The following CTNS variants were observed in gnomAD, a reference collection of about 807,000 sequenced individuals.
CTNS encodes the protein cystinosin.
CTNS carries 27 observed loss-of-function variants against 43.7 expected under a neutral mutation model. That is an observed-to-expected ratio of 0.62 (90% CI 0.46 to 0.85). The LOEUF (loss-of-function observed/expected upper bound fraction) is 0.85, where lower values mean the gene tolerates loss of function less well. Among genes scored for constraint, CTNS ranks in the 40% least tolerant of loss-of-function variants. The pLI is 0.00. For synonymous variants in CTNS, 187 were observed against 190.6 expected (o/e 0.98, Z 0.16); for missense variants, 457 against 475.4 (o/e 0.96, Z 0.36).
At chr17:3,657,340 C>T (rs1044448671) in intron 9 of CTNS, among the ~76,000 whole-genome samples, 1 of 152,218 alleles carries the variant, frequency 6.6e-6, no homozygotes, top group Non-Finnish European at 1.5e-5. Flanking sequence ...AGCTTTGTTG[C>T]TGGAAGCCAT....
chr17:3,656,961 C>A, intron 9 of CTNS, 166 bp downstream of exon 9: 10 of 1,100,106 alleles, frequency 9.1e-6, no homozygotes, highest in Non-Finnish European at 1.0e-5. Flanking sequence ...GCCCTCAGAG[C>A]CCCCCAAGTC....
At chr17:3,645,116 A>G (rs2075814569) in intron 3 of CTNS, among the ~76,000 whole-genome samples, 1 of 152,234 alleles carries the variant, frequency 6.6e-6, no homozygotes, top group South Asian at 2.1e-4. Context: ...CTGGTGGTAC[A>G]GGAAGTCCCA....
chr17:3,662,059 C>A lies in CTNS; in HGVS notation c.*1690C>A, dbSNP rs535462240. On this transcript the variant is annotated 3_prime_UTR_variant, in exon 12 of 12. Coordinates refer to ENST00000046640, the MANE Select transcript of CTNS (RefSeq NM_004937.3). ...AGTGCGGTGGCTCACGCCTGTAATCCCAGCACTTTGGGAGGCCAAGGCAGA... is the reference window on the plus strand; with the variant it reads ...AGTGCGGTGGCTCACGCCTGTAATCACAGCACTTTGGGAGGCCAAGGCAGA... Among the ~76,000 whole-genome samples, 1 of 152,238 alleles carries A rather than the reference C, an allele frequency of 6.6e-6. No individual in the cohort carries two copies. The highest frequency in any genetic ancestry group is 1.9e-4 in the East Asian group (1 of 5,182).
upstream of CTNS, chr17:3,636,746 C>CA (rs2075538203): frequency 6.5e-6 from 1 of 153,486 alleles, no homozygotes; most frequent in South Asian, 1.9e-4. Context: ...TCTAGCCGGG[C>CA]AGGGGAACGC....
chr17:3,654,958 C>A, intron 5 of CTNS, 40 bp from the exon 6 acceptor site: 1 of 1,450,892 alleles, frequency 6.9e-7, no homozygotes, highest in African/African-American at 1.4e-5. Flanking sequence ...TCCTCGGTAA[C>A]TGTACGTGGC....
In CTNS at chr17:3,658,060, T is replaced by C. The variant is rs1191757432; in HGVS notation, c.737T>C (p.Leu246Pro). Residue 246 changes from leucine to proline, a missense_variant, in exon 10 of 12, where the codon CTC (leucine) becomes CCC (proline). Physicochemically the swap from Leu to Pro is moderately conservative, Grantham distance 98 (BLOSUM62 -3). Transcript: ENST00000046640. ...PAIGFLVLAW[L>P]FAFVTMIVAA... ...ATCGGCTTCCTGGTGCTCGCGTGGC[T>C]CTTCGCATTTGTCACCATGATCGTG... 4 of 1,612,110 alleles carry C rather than the reference T, an allele frequency of 2.5e-6. No individual in the cohort carries two copies. The East Asian group carries it at 6.7e-5, about 27-fold the overall frequency.
In CTNS at chr17:3,662,721, A is replaced by G. The variant is rs2076294248; in HGVS notation, c.*2352A>G. Among the ~76,000 whole-genome samples, 2 of 145,766 alleles carry G rather than the reference A, an allele frequency of 1.4e-5. No homozygotes were observed. Among genetic ancestry groups the G allele is most frequent in the Non-Finnish European group, 1.5e-5 (1 of 66,314 alleles). On this transcript the variant is annotated 3_prime_UTR_variant, in exon 12 of 12. Transcript: ENST00000046640. ...ATGTGGTTCTGGTCAGGCGCAGTGC[A>G]GCTGCTGCGGCTCCACCAGCCCCGG...
upstream of CTNS, chr17:3,636,480 A>G (rs1031783359): frequency 2.3e-6 from 1 of 443,516 alleles, no homozygotes; most frequent in Non-Finnish European, 4.0e-6. Flanking sequence ...TTTCCGCCCA[A>G]TGGAGGGCGG....
chr17:3,637,046 C>G (rs1203874683), intron 1 of CTNS, 61 bp from the exon 2 acceptor site: 2 of 152,354 alleles, frequency 1.3e-5, no homozygotes, highest in Non-Finnish European at 1.5e-5. Flanking sequence ...GGGTGGGTGC[C>G]GTTCCCAGCC....
chr17:3,658,847 TC>T (rs1444324175), intron 10 of CTNS, among the ~76,000 whole-genome samples: 1 of 152,080 alleles, frequency 6.6e-6, no homozygotes, highest in Non-Finnish European at 1.5e-5. Context: ...GCCCGGGCGT[TC>T]CGGGCCAGGC....
chr17:3,660,069 C>A, intron 11 of CTNS, 94 bp downstream of exon 11: 1 of 1,437,596 alleles, frequency 7.0e-7, no homozygotes, highest in Non-Finnish European at 9.8e-7. Context: ...TCCACCCCCA[C>A]CTGGGATCCA....
intron 5 of CTNS, among the ~76,000 whole-genome samples, chr17:3,654,694 A>C (rs2076081068): frequency 6.7e-6 from 1 of 150,006 alleles, no homozygotes; most frequent in African/African-American, 2.5e-5. Flanking sequence ...AAAAAAAAAA[A>C]AAAGGAAAGT....
chr17:3,652,421 G>A (rs1383994065), intron 5 of CTNS, among the ~76,000 whole-genome samples: 1 of 152,030 alleles, frequency 6.6e-6, no homozygotes, highest in African/African-American at 2.4e-5. Context: ...ATGAAACCCA[G>A]TCTCTACTAA....
intron 10 of CTNS, among the ~76,000 whole-genome samples, 160 bp downstream of exon 10, chr17:3,658,335 C>T (rs1489031554): frequency 2.0e-5 from 3 of 152,232 alleles, no homozygotes; most frequent in Non-Finnish European, 4.4e-5. Context: ...GTGGGGAGGC[C>T]AGCCTGCCGC....
chr17:3,653,296 C>G (rs1224283808), intron 5 of CTNS, among the ~76,000 whole-genome samples: 1 of 152,076 alleles, frequency 6.6e-6, no homozygotes, highest in African/African-American at 2.4e-5. Flanking sequence ...ACCTGTAATC[C>G]CAACTACTCA....
intron 10 of CTNS, among the ~76,000 whole-genome samples, chr17:3,658,797 G>T (rs1176759650): frequency 6.6e-6 from 1 of 152,212 alleles, no homozygotes; most frequent in African/African-American, 2.4e-5. Context: ...GGCAGGACTG[G>T]ACTCTTAGGC....
chr17:3,647,518 C>T lies in CTNS; in HGVS notation c.136C>T (p.Leu46=). 6.2e-7 allele frequency: 1 copy of T among 1,614,054 alleles called. No individual in the cohort carries two copies. Among genetic ancestry groups the T allele is most frequent in the African/African-American group, 1.3e-5 (1 of 75,070 alleles). The change falls in exon 4 of 12, where the codon CTG becomes TTG. Residue 46 remains leucine (L), a synonymous_variant. Transcript: ENST00000046640. ...CAGCTCGACCAACGTCAGCCTCACCCTGCGGTAAGTTCCTGGGCCTGGCGC... is the reference window on the plus strand; with the variant it reads ...CAGCTCGACCAACGTCAGCCTCACCTTGCGGTAAGTTCCTGGGCCTGGCGC... ...NGSSTNVSLT[L]RPPLNATLVI...
At chr17:3,656,631 G>A in intron 8 of CTNS, 45 bp downstream of exon 8, 1 of 1,612,000 alleles carries the variant, frequency 6.2e-7, no homozygotes, top group Non-Finnish European at 8.5e-7. Flanking sequence ...TGGCGTGGTG[G>A]CCCGGCTGCC....
chr17:3,646,671 A>G lies in CTNS; in HGVS notation c.62-773A>G, dbSNP rs535569283. On this transcript the variant is annotated intron_variant, in intron 3 of 11. Transcript: ENST00000046640. ...AGGCTGATCTCCAGCTCCTGGGCTC[A>G]AGCAGTCCTCCCGCCTTGGCCTCCC... Among the ~76,000 whole-genome samples the G allele has an allele frequency of 4.6e-5, 7 of 152,080 alleles. No homozygotes were observed. The South Asian group carries it at 1.5e-3, about 32-fold the overall frequency.
Sources: gnomAD v4.1 joint callset for allele counts (sites outside exome capture counted in the v4.1 genomes callset) on GRCh38, gnomAD v4.1.1 for gene constraint, MANE v1.5 for transcripts, NCBI Gene and HGNC (gene_info 2026-07-23, HGNC 2026-07-21) for gene names.